Variants in SEC11C observed in about 807,000 individuals in gnomAD.
SEC11C encodes the protein signal peptidase complex catalytic subunit SEC11C.
In SEC11C, 10 loss-of-function variants were observed where a neutral mutation model predicts 21.9. That is an observed-to-expected ratio of 0.46 (90% CI 0.28 to 0.77). SEC11C has a LOEUF of 0.77. Among genes scored for constraint, SEC11C ranks in the 30% least tolerant of loss-of-function variants. SEC11C has a pLI of 0.12. For synonymous variants in SEC11C, 83 were observed against 85.6 expected, an observed-to-expected ratio of 0.97 and a Z score of 0.17; for missense variants, 145 against 244.5, an observed-to-expected ratio of 0.59 and a Z score of 2.71.
intron 5 of SEC11C, among the ~76,000 whole-genome samples, chr18:59,158,352 TA>T (rs78257464): frequency 0.026 from 3,942 of 152,350 alleles, 226 homozygotes; most frequent in East Asian, 0.21. Flanking sequence ...CCATATTTTT[TA>T]AAAAAATCAC....
At chr18:59,148,683 G>A (rs1009010095) in intron 1 of SEC11C, among the ~76,000 whole-genome samples, 4 of 151,630 alleles carry the variant, frequency 2.6e-5, no homozygotes, top group Non-Finnish European at 5.9e-5. Flanking sequence ...GTGCAGTCAC[G>A]GCTCACTGCA....
chr18:59,148,920 T>A (rs779309596), intron 1 of SEC11C, among the ~76,000 whole-genome samples: 1 of 152,244 alleles, frequency 6.6e-6, no homozygotes, highest in Non-Finnish European at 1.5e-5. Context: ...CAGCCCCACC[T>A]GTGCTCTTAA....
intron 1 of SEC11C, among the ~76,000 whole-genome samples, chr18:59,146,093 T>C (rs1046073028): frequency 1.3e-5 from 2 of 152,168 alleles, no homozygotes; most frequent in African/African-American, 4.8e-5. Context: ...GAGGTGTGCA[T>C]GGGCATTAGG....
chr18:59,148,670 G>T (rs1028532951), intron 1 of SEC11C, among the ~76,000 whole-genome samples: 2 of 151,396 alleles, frequency 1.3e-5, no homozygotes, highest in Admixed American at 6.6e-5. Context: ...CTGGAGTGCA[G>T]TCGTGCAGTC....
intron 5 of SEC11C, among the ~76,000 whole-genome samples, chr18:59,158,150 G>A (rs2069439779): frequency 6.6e-6 from 1 of 152,086 alleles, no homozygotes; most frequent in African/African-American, 2.4e-5. Context: ...CCGCCTCCCA[G>A]GTTCAGGTGA....
At position 59,158,674 on chromosome 18, in the gene SEC11C, C is replaced by T; in HGVS notation, c.568C>T (p.Arg190Cys). ...AVMGAYVLLK[R>C]ES ...AATGGGTGCATATGTGTTACTAAAA[C>T]GTGAATCCTAAAATGAGAAGCAGTT... Residue 190 changes from arginine to cysteine, a missense_variant, in exon 6 of 6, where the codon CGT (arginine) becomes TGT (cysteine). Physicochemically the swap from Arg to Cys is radical, Grantham distance 180. Coordinates refer to ENST00000587834, the MANE Select transcript of SEC11C (RefSeq NM_033280.4). 2.5e-6 allele frequency: 4 copies of T among 1,613,142 alleles called. No homozygotes were observed. The highest frequency in any genetic ancestry group is 2.5e-6 in the Non-Finnish European group (3 of 1,179,240).
At chr18:59,146,714 A>G (rs2069279931) in intron 1 of SEC11C, among the ~76,000 whole-genome samples, 1 of 152,108 alleles carries the variant, frequency 6.6e-6, no homozygotes, top group Non-Finnish European at 1.5e-5. Flanking sequence ...TGTTTTGAGA[A>G]GAGCTGTGAA....
intron 3 of SEC11C, 86 bp downstream of exon 3, chr18:59,152,771 T>C: frequency 8.2e-7 from 1 of 1,217,128 alleles, no homozygotes; most frequent in South Asian, 1.5e-5. Context: ...AAGCACTGGA[T>C]TATGTTCTGA....
At chr18:59,149,388 C>T (rs905502344) in intron 1 of SEC11C, 125 bp from the exon 2 acceptor site, 5 of 592,670 alleles carry the variant, frequency 8.4e-6, no homozygotes, top group African/African-American at 7.3e-5. Context: ...AATTTTGTAC[C>T]TTGTGTTAGT....
intron 2 of SEC11C, among the ~76,000 whole-genome samples, chr18:59,150,987 G>T (rs545476800): frequency 1.8e-4 from 27 of 151,860 alleles, no homozygotes; most frequent in African/African-American, 6.3e-4. Context: ...AGCATCCTTT[G>T]TAATGTTAAA....
At chr18:59,153,419 A>C (rs1335544787) in intron 3 of SEC11C, 2 of 152,190 alleles carry the variant, frequency 1.3e-5, no homozygotes, top group Non-Finnish European at 2.9e-5. Context: ...GAGTCATAGA[A>C]TTAAATTTAG....
At chr18:59,157,994 C>T (rs972429383) in intron 5 of SEC11C, among the ~76,000 whole-genome samples, 2 of 152,122 alleles carry the variant, frequency 1.3e-5, no homozygotes, top group Non-Finnish European at 2.9e-5. Context: ...GTATCTCTCT[C>T]TCTCTCTAAA....
intron 4 of SEC11C, chr18:59,156,065 T>A: frequency 6.0e-6 from 2 of 334,582 alleles, no homozygotes; most frequent in South Asian, 2.9e-5. Flanking sequence ...GCGCAGTGGC[T>A]CACACCTGTA....
intron 1 of SEC11C, among the ~76,000 whole-genome samples, chr18:59,140,246 G>A (rs1287590144): frequency 6.6e-6 from 1 of 152,236 alleles, no homozygotes; most frequent in Non-Finnish European, 1.5e-5. Context: ...ATTAGGGGAG[G>A]GTGCAGGAAA....
intron 2 of SEC11C, 68 bp downstream of exon 2, chr18:59,149,690 G>A: frequency 1.1e-6 from 1 of 921,184 alleles, no homozygotes; most frequent in Non-Finnish European, 1.7e-6. Flanking sequence ...CTGAGGAGCG[G>A]GGCAGCCTTA....
In SEC11C at chr18:59,139,925, C is replaced by T. The variant is rs546728819; in HGVS notation, c.-24C>T. 2.0e-6 allele frequency: 3 copies of T among 1,503,276 alleles called. No homozygotes were observed. Among genetic ancestry groups the T allele is most frequent in the Non-Finnish European group, 2.7e-6 (3 of 1,121,662 alleles). The allele number at this position is 1,503,276 out of a possible 1,614,324, so 93.1% of individuals were successfully genotyped here. On this transcript the variant is annotated 5_prime_UTR_variant, in exon 1 of 6. Coordinates refer to ENST00000587834, the MANE Select transcript of SEC11C (RefSeq NM_033280.4). ...TCTGTGCCACCCAGAGCCGGCGGGC[C>T]GCTAGGTCCCCGGAGACCCTGCTAT... is the stretch of plus-strand genomic sequence containing the variant.
chr18:59,154,465 A>G (rs541428802), intron 3 of SEC11C, among the ~76,000 whole-genome samples: 10 of 152,122 alleles, frequency 6.6e-5, no homozygotes, highest in Non-Finnish European at 1.2e-4. Context: ...ATACTACAAT[A>G]TTATGTTTCT....
chr18:59,155,863 G>A lies in SEC11C; in HGVS notation c.467+56G>A, dbSNP rs1603378271. The A allele has an allele frequency of 6.9e-6, 11 of 1,591,674 alleles. No individual in the cohort carries two copies. The East Asian group carries it at 2.5e-4, about 36-fold the overall frequency. ...GTTATGAAAAACACTTAGAAATGAA[G>A]AAATTAAATCAATAGGCTAATGAGT... On this transcript the variant is annotated intron_variant, in intron 4 of 5. Transcript: ENST00000587834.
chr18:59,142,024 C>G (rs934199842), intron 1 of SEC11C, among the ~76,000 whole-genome samples: 3 of 152,130 alleles, frequency 2.0e-5, no homozygotes, highest in Non-Finnish European at 4.4e-5. Context: ...CAAAGGTGAA[C>G]AACAACAAAA....
Sources: gnomAD v4.1 joint callset for allele counts (sites outside exome capture counted in the v4.1 genomes callset) on GRCh38, gnomAD v4.1.1 for gene constraint, MANE v1.5 for transcripts, NCBI Gene and HGNC (gene_info 2026-07-23, HGNC 2026-07-21) for gene names.